The following AFF3 variants were observed in gnomAD, a reference collection of about 807,000 sequenced individuals.
AFF3 encodes ALF transcription elongation factor 3.
AFF3 carries 32 observed loss-of-function variants against 129.7 expected under a neutral mutation model. The ratio of observed to expected loss-of-function variants is 0.25; its 90% CI spans 0.19 to 0.33. The LOEUF is 0.33. Among genes scored for constraint, AFF3 ranks in the 10% least tolerant of loss-of-function variants. The pLI is 1.00. For missense variants in AFF3, 1,373 were observed against 1,592.0 expected (o/e 0.86, Z 2.34); for synonymous variants, 644 against 635.4 (o/e 1.01, Z -0.20).
intron 7 of AFF3, among the ~76,000 whole-genome samples, chr2:99,966,518 G>A (rs956379863): frequency 2.0e-5 from 3 of 150,078 alleles, no homozygotes; most frequent in Non-Finnish European, 3.0e-5. Flanking sequence ...GTGAAACCCC[G>A]TCTCTACTAA....
intron 4 of AFF3, among the ~76,000 whole-genome samples, chr2:100,048,548 A>G (rs747961159): frequency 1.3e-5 from 2 of 152,164 alleles, no homozygotes; most frequent in African/African-American, 2.4e-5. Flanking sequence ...ATGAAGAGCA[A>G]TTTCTCAAAT....
intron 8 of AFF3, among the ~76,000 whole-genome samples, chr2:99,796,795 G>A (rs1399490677): frequency 1.3e-5 from 2 of 152,150 alleles, no homozygotes; most frequent in Non-Finnish European, 2.9e-5. Flanking sequence ...AATACCAGGT[G>A]CTTACAAGGC....
At chr2:99,814,216 G>T (rs1203704563) in intron 8 of AFF3, among the ~76,000 whole-genome samples, 1 of 151,250 alleles carries the variant, frequency 6.6e-6, no homozygotes, top group Non-Finnish European at 1.5e-5. Context: ...AAGTAAAAGA[G>T]CTTCTAATCA....
chr2:99,719,186 G>C (rs1575782918), intron 11 of AFF3, among the ~76,000 whole-genome samples: 1 of 144,568 alleles, frequency 6.9e-6, no homozygotes, highest in South Asian at 2.2e-4. Context: ...AGCTTTTTCT[G>C]CATCTATTTA....
intron 4 of AFF3, among the ~76,000 whole-genome samples, chr2:100,021,207 A>G (rs146186184): frequency 1.3e-5 from 2 of 152,336 alleles, no homozygotes; most frequent in East Asian, 3.9e-4. Flanking sequence ...TATGCTAATT[A>G]TCTGAATCCT....
intron 4 of AFF3, among the ~76,000 whole-genome samples, chr2:100,058,695 C>T (rs1687002095): frequency 6.6e-6 from 1 of 152,118 alleles, no homozygotes. Context: ...CAAAATAGAT[C>T]ATGAACCTAA....
intron 8 of AFF3, among the ~76,000 whole-genome samples, chr2:99,771,976 T>C (rs1003846163): frequency 5.9e-5 from 9 of 152,230 alleles, no homozygotes; most frequent in African/African-American, 2.2e-4. Flanking sequence ...TGTCATTTAA[T>C]GAAGAACAAT....
intron 13 of AFF3, chr2:99,630,514 AAG>A (rs1269779394): frequency 6.6e-6 from 1 of 152,278 alleles, no homozygotes; most frequent in Non-Finnish European, 1.5e-5. Context: ...CCTTGGTGGA[AAG>A]AGAGGGGCCA....
chr2:100,000,237 T>C (rs1271842318), intron 7 of AFF3, among the ~76,000 whole-genome samples: 1 of 152,210 alleles, frequency 6.6e-6, no homozygotes, highest in African/African-American at 2.4e-5. Context: ...ATCTTGTTGA[T>C]TTAGTATTTC....
chr2:99,635,486 G>A lies in AFF3; in HGVS notation c.1184+14140C>T, dbSNP rs114722206. 5.2e-3 allele frequency among the ~76,000 whole-genome samples: 796 copies of A among 152,208 alleles called. 6 individuals carry two copies. Among genetic ancestry groups the A allele is most frequent in the African/African-American group, 0.018 (743 of 41,514 alleles). On this transcript the variant is annotated intron_variant, in intron 13 of 24. Coordinates refer to ENST00000672756, the MANE Select transcript of AFF3 (RefSeq NM_001386135.1). ...TTGTGTGTGTGTGTGTGTTTCTGCA[G>A]AGATGAGGTCTTGCCATGGCACCCA...
At chr2:100,082,468 T>C (rs1168335967) in intron 4 of AFF3, among the ~76,000 whole-genome samples, 1 of 152,048 alleles carries the variant, frequency 6.6e-6, no homozygotes, top group Non-Finnish European at 1.5e-5. Context: ...TGTCCCAACA[T>C]GGACTGTCTT....
chr2:99,546,442 C>T lies in AFF3; in HGVS notation c.*5032G>A. The T allele has an allele frequency of 4.3e-6, 1 of 233,046 alleles. No individual in the cohort carries two copies. Among genetic ancestry groups the T allele is most frequent in the Non-Finnish European group, 8.5e-6 (1 of 117,932 alleles). 14.4% of individuals were successfully genotyped at this position (233,046 alleles called of 1,614,324 possible). ...TGAACTGCCCATCTGCAAACAAACCCTTTCTGCATTTTTCTCTCTAGACAC... is the reference window on the plus strand; with the variant it reads ...TGAACTGCCCATCTGCAAACAAACCTTTTCTGCATTTTTCTCTCTAGACAC... On this transcript the variant is annotated 3_prime_UTR_variant, in exon 25 of 25. Coordinates refer to ENST00000672756, the MANE Select transcript of AFF3 (RefSeq NM_001386135.1).
At chr2:99,738,359 G>A (rs555847434) in intron 10 of AFF3, among the ~76,000 whole-genome samples, 7 of 151,690 alleles carry the variant, frequency 4.6e-5, no homozygotes, top group African/African-American at 1.5e-4. Flanking sequence ...TATATTCAAC[G>A]TTTCAGACTT....
At chr2:99,831,089 C>A (rs1423658002) in intron 8 of AFF3, among the ~76,000 whole-genome samples, 2 of 152,174 alleles carry the variant, frequency 1.3e-5, no homozygotes, top group Non-Finnish European at 1.5e-5. Context: ...AAACTGGAGT[C>A]CCAGAGAAAA....
chr2:99,647,814 T>C (rs150907531), intron 13 of AFF3, among the ~76,000 whole-genome samples: 21 of 152,318 alleles, frequency 1.4e-4, no homozygotes, highest in African/African-American at 4.8e-4. Context: ...CATTTGAGGA[T>C]AAAGAAATTT....
chr2:99,641,086 T>C (rs1279083495), intron 13 of AFF3, among the ~76,000 whole-genome samples: 1 of 152,168 alleles, frequency 6.6e-6, no homozygotes, highest in African/African-American at 2.4e-5. Context: ...AGGCCATTCC[T>C]TCTGTGTTCT....
At chr2:99,717,394 T>C (rs1454138119) in intron 11 of AFF3, among the ~76,000 whole-genome samples, 1 of 152,164 alleles carries the variant, frequency 6.6e-6, no homozygotes, top group African/African-American at 2.4e-5. Flanking sequence ...TTTAGTGGTA[T>C]TGGTATTTTT....
At chr2:99,885,281 G>A (rs1693024891) in intron 7 of AFF3, among the ~76,000 whole-genome samples, 2 of 152,030 alleles carry the variant, frequency 1.3e-5, no homozygotes, top group South Asian at 4.1e-4. Flanking sequence ...CACACACAAA[G>A]GCCTTTCCCT....
intron 2 of AFF3, among the ~76,000 whole-genome samples, chr2:100,121,695 A>G (rs915386604): frequency 2.6e-5 from 4 of 152,190 alleles, no homozygotes; most frequent in African/African-American, 9.6e-5. Context: ...GTTCTTGTCC[A>G]GGCAGTTAGG....
Sources: gnomAD v4.1 joint callset for allele counts (sites outside exome capture counted in the v4.1 genomes callset) on GRCh38, gnomAD v4.1.1 for gene constraint, MANE v1.5 for transcripts, NCBI Gene and HGNC (gene_info 2026-07-23, HGNC 2026-07-21) for gene names.